Variants in SATL1 observed in about 807,000 individuals in gnomAD.
The protein encoded by SATL1 is spermidine/spermine N1-acetyl transferase like 1, also known as spermidine/spermine N(1)-acetyltransferase-like protein 1.
Under a neutral mutation model 51.8 loss-of-function variants are expected in SATL1, and 47 were observed. That is an observed-to-expected ratio of 0.91 (90% CI 0.72 to 1.16). The LOEUF (loss-of-function observed/expected upper bound fraction) is 1.16, where lower values mean the gene tolerates loss of function less well. Among genes scored for constraint, SATL1 ranks in the 50% most tolerant of loss-of-function variants. The pLI is 0.00. For synonymous variants in SATL1, 176 were observed against 182.4 expected (o/e 0.97, Z 0.28); for missense variants, 520 against 526.4 (o/e 0.99, Z 0.12).
intron 2 of SATL1, among the ~76,000 whole-genome samples, chrX:85,169,498 G>A (rs1321800704): frequency 9.0e-6 from 1 of 111,330 alleles, no homozygotes; most frequent in East Asian, 2.8e-4. Flanking sequence ...AAACATACAT[G>A]CAGCCAACAA....
intron 2 of SATL1, among the ~76,000 whole-genome samples, chrX:85,203,678 G>C (rs1018345342): frequency 2.7e-5 from 3 of 112,347 alleles, no homozygotes; most frequent in African/African-American, 9.7e-5. Flanking sequence ...TGCTGTGCTG[G>C]AGGATCCCTT....
chrX:85,192,581 AC>A (rs1218840111), intron 2 of SATL1, among the ~76,000 whole-genome samples: 5 of 111,459 alleles, frequency 4.5e-5, no homozygotes, highest in Admixed American at 2.9e-4. Context: ...TTCCAAGCTT[AC>A]ATTAAAAAAA....
intron 2 of SATL1, among the ~76,000 whole-genome samples, chrX:85,152,426 A>G (rs1926472920): frequency 8.9e-6 from 1 of 111,872 alleles, no homozygotes; most frequent in Admixed American, 9.5e-5. Flanking sequence ...TCAGGGATCT[A>G]GAACTAGAAA....
intron 1 of SATL1, among the ~76,000 whole-genome samples, chrX:85,237,471 A>C (rs1470469036): frequency 8.9e-6 from 1 of 111,743 alleles, no homozygotes; most frequent in African/African-American, 3.2e-5. Context: ...GAGTAAAGAC[A>C]GTCTCTTCAA....
chrX:85,238,516 T>C (rs1294243994), intron 1 of SATL1, among the ~76,000 whole-genome samples: 3 of 111,012 alleles, frequency 2.7e-5, no homozygotes, highest in Non-Finnish European at 5.7e-5. Context: ...TTAAAACAAT[T>C]GAACTCATGA....
At chrX:85,135,100 CACTT>C (rs761004302) in intron 2 of SATL1, among the ~76,000 whole-genome samples, 7 of 110,724 alleles carry the variant, frequency 6.3e-5, no homozygotes, top group Middle Eastern at 8.5e-3. Flanking sequence ...TGCATGTTCT[CACTT>C]ACAAGTGGGA....
At chrX:85,232,167 T>C (rs181223504) in intron 1 of SATL1, among the ~76,000 whole-genome samples, 24 of 109,258 alleles carry the variant, frequency 2.2e-4, no homozygotes, top group Admixed American at 3.9e-4. Context: ...GACAAAAATC[T>C]AGACACAACC....
intron 4 of SATL1, among the ~76,000 whole-genome samples, chrX:85,097,457 C>G (rs890007043): frequency 8.9e-6 from 1 of 112,313 alleles, no homozygotes; most frequent in Admixed American, 9.4e-5. Flanking sequence ...CATGCCTCAG[C>G]CTCCCATGTA....
chrX:85,167,674 AG>A (rs1770096981), intron 2 of SATL1, among the ~76,000 whole-genome samples: 1 of 110,960 alleles, frequency 9.0e-6, no homozygotes, highest in Non-Finnish European at 1.9e-5. Flanking sequence ...AAAAAAGCCC[AG>A]GATCAGATGG....
Position 85,216,808 on chromosome X carries a change from C to T in SATL1, c.-313+7397G>A, listed in dbSNP as rs1217797907. Among the ~76,000 whole-genome samples the T allele has an allele frequency of 4.5e-5, 5 of 111,851 alleles. 1 individual carries two copies. The highest frequency in any genetic ancestry group is 1.9e-4 in the Admixed American group (2 of 10,524). ...GCTCCAGAGAAGGGGTTTATGCAAT[C>T]GATGTAGCTCATTGAGGGCGTCATT... On this transcript the variant is annotated intron_variant, in intron 2 of 7. Transcript: ENST00000644105.
At chrX:85,106,916 A>G (rs1348589669) in intron 3 of SATL1, among the ~76,000 whole-genome samples, 1 of 111,384 alleles carries the variant, frequency 9.0e-6, no homozygotes, top group Non-Finnish European at 1.9e-5. Context: ...GCAAAATCCT[A>G]GCCACTAAAA....
intron 2 of SATL1, among the ~76,000 whole-genome samples, chrX:85,127,700 G>C (rs758939448): frequency 9.0e-6 from 1 of 111,078 alleles, no homozygotes; most frequent in Non-Finnish European, 1.9e-5. Context: ...CAACATGCAG[G>C]TGTGTTACTT....
intron 2 of SATL1, among the ~76,000 whole-genome samples, chrX:85,112,984 G>A (rs982606044): frequency 2.7e-5 from 3 of 111,591 alleles, no homozygotes; most frequent in African/African-American, 9.8e-5. Context: ...ATGAAAGTAA[G>A]TCTTCTGTAA....
chrX:85,211,651 T>TAG (rs1927926474), intron 2 of SATL1: 1 of 111,420 alleles, frequency 9.0e-6, no homozygotes, highest in African/African-American at 3.3e-5. Context: ...AAAGGTCACT[T>TAG]ACTGCTTAGA....
chrX:85,106,415 C>T (rs981375514), intron 3 of SATL1, among the ~76,000 whole-genome samples: 1 of 111,890 alleles, frequency 8.9e-6, no homozygotes, highest in African/African-American at 3.2e-5. Flanking sequence ...AACACACTCT[C>T]CAAAGGGAAC....
Position 85,092,396 on chromosome X carries a change from C to A in SATL1, c.2083G>T (p.Glu695Ter), listed in dbSNP as rs746987868. ...REELLDMAWE[E>*] ...GAGTTGTTACAAAGCCTCTTTCATTCTTCCCATGCCATGTCCAGGAGTTCT... is the reference window on the plus strand; with the variant it reads ...GAGTTGTTACAAAGCCTCTTTCATTATTCCCATGCCATGTCCAGGAGTTCT... Residue 695 changes from glutamate to a stop codon, truncating the protein, a stop_gained, in exon 8 of 8, where the codon GAA (glutamate) becomes TAA (stop). Transcript: ENST00000644105. LOFTEE classifies it high-confidence loss of function. The A allele has an allele frequency of 8.6e-7, 1 of 1,164,807 alleles. No individual in the cohort carries two copies. Among genetic ancestry groups the A allele is most frequent in the East Asian group, 3.2e-5 (1 of 30,871 alleles).
intron 2 of SATL1, among the ~76,000 whole-genome samples, chrX:85,170,480 C>T (rs1048558468): frequency 7.2e-5 from 8 of 111,129 alleles, no homozygotes; most frequent in African/African-American, 2.6e-4. Context: ...ATCTATGTAC[C>T]GATGAAAAGC....
At position 85,127,422 on chromosome X, in the gene SATL1, G is replaced by C. The variant is rs149426903; in HGVS notation, c.-312-18142C>G. ...CAGATCCAAGAACCAAGGAATGTTAGTTTAGATTTAGTTTTGTCTCTATTC... is the reference window on the plus strand; with the variant it reads ...CAGATCCAAGAACCAAGGAATGTTACTTTAGATTTAGTTTTGTCTCTATTC... On this transcript the variant is annotated intron_variant, in intron 2 of 7. Coordinates refer to ENST00000644105, the MANE Select transcript of SATL1 (RefSeq NM_001367857.2). Among the ~76,000 whole-genome samples, 150 of 111,640 alleles carry C rather than the reference G, an allele frequency of 1.3e-3. 2 individuals are homozygous for C. The East Asian group carries it at 0.036, about 27-fold the overall frequency.
intron 2 of SATL1, among the ~76,000 whole-genome samples, chrX:85,162,464 T>C (rs1926743994): frequency 1.8e-5 from 2 of 111,712 alleles, no homozygotes; most frequent in African/African-American, 6.5e-5. Context: ...TTTGTAGGTA[T>C]ACTATCATAT....
Sources: gnomAD v4.1 joint callset for allele counts (sites outside exome capture counted in the v4.1 genomes callset) on GRCh38, gnomAD v4.1.1 for gene constraint, MANE v1.5 for transcripts, NCBI Gene and HGNC (gene_info 2026-07-23, HGNC 2026-07-21) for gene names.